The following PUS7 variants were observed in gnomAD, a reference collection of about 807,000 sequenced individuals.
PUS7 encodes pseudouridylate synthase 7 homolog.
In PUS7, 48 loss-of-function variants were observed where a neutral mutation model predicts 79.8. That is an observed-to-expected ratio of 0.60 (90% CI 0.48 to 0.76). PUS7 has a LOEUF of 0.76. Among genes scored for constraint, PUS7 ranks in the 30% least tolerant of loss-of-function variants. PUS7 has a pLI of 0.00. For synonymous variants in PUS7, 286 were observed against 272.2 expected (o/e 1.05, Z -0.50); for missense variants, 729 against 797.6 (o/e 0.91, Z 1.04).
intron 6 of PUS7, among the ~76,000 whole-genome samples, chr7:105,494,775 C>T (rs1824938366): frequency 6.6e-6 from 1 of 151,700 alleles, no homozygotes; most frequent in Admixed American, 6.6e-5. Flanking sequence ...CACAGGAGTT[C>T]GAGACCAGCC....
chr7:105,495,118 A>G (rs377459742), intron 6 of PUS7, 24 bp downstream of exon 6: 1 of 1,355,204 alleles, frequency 7.4e-7, no homozygotes, highest in Non-Finnish European at 1.0e-6. Context: ...TTGATTTTGT[A>G]TAGGCATAAC....
intron 1 of PUS7, among the ~76,000 whole-genome samples, chr7:105,511,677 T>C (rs1030574534): frequency 1.3e-5 from 2 of 151,612 alleles, no homozygotes; most frequent in Non-Finnish European, 2.9e-5. Context: ...AGGAGAATCG[T>C]TTGAACCCAG....
At chr7:105,495,373 G>T (rs567758414) in intron 5 of PUS7, 120 bp from the exon 6 acceptor site, 1 of 629,494 alleles carries the variant, frequency 1.6e-6, no homozygotes, top group East Asian at 2.8e-5. Flanking sequence ...AAGAAATACA[G>T]GTTAAGTGGT....
Position 105,481,133 on chromosome 7 carries a change from G to C in PUS7, c.1094C>G (p.Ser365Cys). The change falls in exon 9 of 16, where the codon TCT (serine) becomes TGT (cysteine). Residue 365 changes from serine (S) to cysteine (C), a missense_variant. Transcript: ENST00000469408. The part of the protein sequence containing the change: ...TDDQVQQAMN[S>C]LKEIGFINYY... ...GTTAATAAATCCAATCTCCTTGAGA[G>C]AGTTCATAGCTTGCTGTACTTGGTC... 3 of 1,612,236 alleles carry C rather than the reference G, an allele frequency of 1.9e-6. No individual in the cohort carries two copies. The highest frequency in any genetic ancestry group is 2.5e-6 in the Non-Finnish European group (3 of 1,178,912).
intron 9 of PUS7, among the ~76,000 whole-genome samples, chr7:105,475,653 C>T (rs1563362524): frequency 6.6e-6 from 1 of 152,062 alleles, no homozygotes; most frequent in Non-Finnish European, 1.5e-5. Context: ...CTTTATCTTT[C>T]CTTCTTCTAC....
At chr7:105,519,660 A>T (rs1256468153) in intron 1 of PUS7, among the ~76,000 whole-genome samples, 2 of 152,208 alleles carry the variant, frequency 1.3e-5, no homozygotes, top group Non-Finnish European at 2.9e-5. Context: ...ACTGGAAGAA[A>T]AGGGTAATAC....
intron 7 of PUS7, among the ~76,000 whole-genome samples, chr7:105,484,783 A>T (rs1192249792): frequency 7.1e-6 from 1 of 141,616 alleles, no homozygotes; most frequent in Non-Finnish European, 1.5e-5. Context: ...GTGCCACTGC[A>T]CTCCAGCTTG....
intron 15 of PUS7, among the ~76,000 whole-genome samples, chr7:105,458,856 T>G (rs1823299834): frequency 6.6e-6 from 1 of 152,118 alleles, no homozygotes; most frequent in Non-Finnish European, 1.5e-5. Context: ...CCACCGCACC[T>G]GCCCAACCAA....
At chr7:105,496,216 TATATATATATAGAGAGAGAGAG>T (rs1287525074) in intron 5 of PUS7, among the ~76,000 whole-genome samples, 4 of 76,728 alleles carry the variant, frequency 5.2e-5, no homozygotes, top group African/African-American at 2.2e-4. Context: ...TATATATATA[TATATATATATAGAGAGAGAGAG>T]AGAGAGAGAG....
chr7:105,489,501 ACAG>A (rs772405116), intron 7 of PUS7, among the ~76,000 whole-genome samples: 1 of 152,166 alleles, frequency 6.6e-6, no homozygotes, highest in Non-Finnish European at 1.5e-5. Flanking sequence ...TCTATATGCC[ACAG>A]CGAGAAAATG....
intron 5 of PUS7, among the ~76,000 whole-genome samples, chr7:105,500,507 AAC>A (rs1825203296): frequency 1.3e-5 from 2 of 152,290 alleles, no homozygotes; most frequent in East Asian, 1.9e-4. Context: ...CAGTCAAAAA[AAC>A]AGTTTTTGCT....
intron 9 of PUS7, among the ~76,000 whole-genome samples, chr7:105,480,388 T>C (rs561977860): frequency 1.4e-4 from 22 of 152,140 alleles, no homozygotes; most frequent in African/African-American, 4.8e-4. Context: ...GGCAGGAGAA[T>C]TGCTTGAACC....
chr7:105,481,008 G>A (rs1466217189), intron 9 of PUS7, 44 bp downstream of exon 9: 1 of 1,586,170 alleles, frequency 6.3e-7, no homozygotes, highest in Admixed American at 1.8e-5. Context: ...ACCCTGCTTT[G>A]TTTATGAGAA....
intron 5 of PUS7, among the ~76,000 whole-genome samples, chr7:105,501,949 C>T (rs1033162093): frequency 8.0e-5 from 4 of 49,942 alleles, no homozygotes; most frequent in South Asian, 7.2e-4. Flanking sequence ...GGCGAGACTC[C>T]GTCTCAAAAA....
chr7:105,509,169 A>G (rs1190701732), intron 1 of PUS7, among the ~76,000 whole-genome samples: 5 of 119,736 alleles, frequency 4.2e-5, no homozygotes, highest in African/African-American at 1.6e-4. Context: ...GGGGGACCAG[A>G]GCAAGACTCC....
chr7:105,518,807 T>A (rs944581044), intron 1 of PUS7, among the ~76,000 whole-genome samples: 4 of 150,656 alleles, frequency 2.7e-5, no homozygotes, highest in African/African-American at 9.8e-5. Context: ...CTCACTCTAT[T>A]GCCCAGGCTG....
chr7:105,491,512 T>C (rs762953685), intron 7 of PUS7, 28 bp downstream of exon 7: 29 of 1,450,166 alleles, frequency 2.0e-5, no homozygotes, highest in Non-Finnish European at 2.6e-5. Flanking sequence ...ATTTACAGTA[T>C]AAATCCTGTT....
chr7:105,495,179 T>C lies in PUS7; in HGVS notation c.805A>G (p.Thr269Ala). The change falls in exon 6 of 16, where the codon ACC becomes GCC. Residue 269 changes from threonine (T) to alanine (A), a missense_variant. By Grantham distance (58) the Thr-to-Ala change is moderately conservative. Coordinates refer to ENST00000469408, the MANE Select transcript of PUS7 (RefSeq NM_019042.5). ...GAGAGTACATTAATAGCATCCATGGTGTCTTTGTTTTCCTTATATAGTACG... is the reference window on the plus strand; with the variant it reads ...GAGAGTACATTAATAGCATCCATGGCGTCTTTGTTTTCCTTATATAGTACG... Reference protein sequence around the residue: ...HFVLYKENKDTMDAINVLSKY... With the variant: ...HFVLYKENKDAMDAINVLSKY... 3 of 1,612,088 alleles carry C rather than the reference T, an allele frequency of 1.9e-6. No homozygotes were observed. Among genetic ancestry groups the C allele is most frequent in the Non-Finnish European group, 2.5e-6 (3 of 1,178,728 alleles).
intron 9 of PUS7, among the ~76,000 whole-genome samples, chr7:105,477,558 T>C (rs1824163785): frequency 6.6e-6 from 1 of 152,148 alleles, no homozygotes; most frequent in Admixed American, 6.6e-5. Flanking sequence ...TGGCTCACTT[T>C]CTTTTTTTCA....
Sources: gnomAD v4.1 joint callset for allele counts (sites outside exome capture counted in the v4.1 genomes callset) on GRCh38, gnomAD v4.1.1 for gene constraint, MANE v1.5 for transcripts, NCBI Gene and HGNC (gene_info 2026-07-23, HGNC 2026-07-21) for gene names.